PLEKHG1: variants seen among roughly 807,000 people sequenced by gnomAD.
PLEKHG1 encodes the protein pleckstrin homology domain-containing family G member 1.
PLEKHG1 carries 44 observed loss-of-function variants against 100.8 expected under a neutral mutation model. The ratio of observed to expected loss-of-function variants is 0.44; its 90% CI spans 0.34 to 0.56. The LOEUF (loss-of-function observed/expected upper bound fraction) is 0.56, where lower values mean the gene tolerates loss of function less well. PLEKHG1 is among the 20% of genes least tolerant of loss of function. The pLI is 0.01. For synonymous variants in PLEKHG1, 640 were observed against 662.5 expected (o/e 0.97, Z 0.52); for missense variants, 1,545 against 1,720.9 (o/e 0.90, Z 1.81).
chr6:150,715,992 C>T (rs1348343591), intron 3 of PLEKHG1, among the ~76,000 whole-genome samples: 2 of 148,830 alleles, frequency 1.3e-5, no homozygotes, highest in African/African-American at 4.9e-5. Context: ...CCTGTAGTCC[C>T]AGCTACTCGG....
intron 15 of PLEKHG1, among the ~76,000 whole-genome samples, chr6:150,839,455 A>T (rs1777399862): frequency 6.6e-6 from 1 of 152,126 alleles, no homozygotes; most frequent in African/African-American, 2.4e-5. Context: ...ATGATTTTTC[A>T]TTGACCAGGC....
intron 12 of PLEKHG1, 66 bp from the exon 14 acceptor site, chr6:150,821,129 A>C: frequency 1.6e-6 from 2 of 1,273,700 alleles, no homozygotes; most frequent in Non-Finnish European, 2.3e-6. Flanking sequence ...TAATCCTCTT[A>C]TAAAGAATAA....
chr6:150,760,747 G>A (rs966198374), intron 2 of PLEKHG1, among the ~76,000 whole-genome samples: 6 of 151,718 alleles, frequency 4.0e-5, no homozygotes, highest in African/African-American at 1.5e-4. Context: ...TATGCAACAG[G>A]ACTTCATCAT....
Position 150,832,874 on chromosome 6 carries a change from C to T in PLEKHG1, c.3094+669C>T, listed in dbSNP as rs372175203. 9.2e-4 allele frequency among the ~76,000 whole-genome samples: 140 copies of T among 151,606 alleles called. 5 individuals carry two copies. In the South Asian group the frequency reaches 0.028, roughly 30 times the overall value. On this transcript the variant is annotated intron_variant, in intron 15 of 15. Transcript: ENST00000358517. ...TACATTTTTTGTAGAGAAGGGGTTT[C>T]ACCATGTTGCCCAGGCTGGTCTCGA...
chr6:150,745,772 A>G (rs1386016121), intron 2 of PLEKHG1, among the ~76,000 whole-genome samples: 2 of 152,140 alleles, frequency 1.3e-5, no homozygotes. Flanking sequence ...ATATAGAAAA[A>G]AAGTCAAAAA....
At position 150,679,562 on chromosome 6, in the gene PLEKHG1, C is replaced by G. The variant is rs537969763; in HGVS notation, c.-99+28776C>G. Among the ~76,000 whole-genome samples the G allele has an allele frequency of 2.0e-5, 3 of 152,326 alleles. No homozygotes were observed. The South Asian group carries it at 6.2e-4, about 32-fold the overall frequency. On this transcript the variant is annotated intron_variant, in intron 3 of 3. Transcript: ENST00000367326. ...AGCAATAGCATACTTTAAAAAATTACAACAGCTGTGATAGAAATATCACCC... is the reference window on the plus strand; with the variant it reads ...AGCAATAGCATACTTTAAAAAATTAGAACAGCTGTGATAGAAATATCACCC...
chr6:150,810,283 G>A (rs1787414166), intron 10 of PLEKHG1, among the ~76,000 whole-genome samples: 1 of 148,986 alleles, frequency 6.7e-6, no homozygotes, highest in African/African-American at 2.5e-5. Context: ...CTGGGTGACA[G>A]GGTCCAGACA....
intron 1 of PLEKHG1, among the ~76,000 whole-genome samples, chr6:150,731,416 A>G (rs1341822730): frequency 1.3e-5 from 2 of 152,160 alleles, no homozygotes; most frequent in African/African-American, 4.8e-5. Flanking sequence ...CCTTCATTTT[A>G]TTTTCATAAC....
chr6:150,831,631 T>C lies in PLEKHG1; in HGVS notation c.2520T>C (p.Asn840=), dbSNP rs1378648907. The change falls in exon 15 of 16, where the codon AAT becomes AAC. Residue 840 remains asparagine (N), a synonymous_variant. Transcript: ENST00000358517. The surrounding 1 kb of genome is among the most constrained non-coding windows in gnomAD (Gnocchi z 4.1). ...CCGAAGAAGTAGATGAAATCTGGAA[T>C]GACCTGGAAAATTACATCAAGAAAA... is the stretch of plus-strand genomic sequence containing the variant. The C allele has an allele frequency of 1.2e-6, 2 of 1,613,840 alleles. No homozygotes were observed. Among genetic ancestry groups the C allele is most frequent in the African/African-American group, 1.3e-5 (1 of 74,938 alleles).
exon 16 of PLEKHG1, chr6:150,843,066 A>G (rs1704181697): frequency 6.6e-6 from 1 of 152,230 alleles, no homozygotes; most frequent in Non-Finnish European, 1.5e-5. Flanking sequence ...CCTATGAACA[A>G]AATTACCTGA....
At chr6:150,700,222 G>A (rs956881831) in intron 3 of PLEKHG1, among the ~76,000 whole-genome samples, 2 of 152,280 alleles carry the variant, frequency 1.3e-5, no homozygotes, top group East Asian at 1.9e-4. Context: ...ACAGAGCAGC[G>A]GTGTCTACCA....
chr6:150,602,360 C>T (rs1776391051), intron 1 of PLEKHG1, among the ~76,000 whole-genome samples: 1 of 152,196 alleles, frequency 6.6e-6, no homozygotes, highest in Non-Finnish European at 1.5e-5. Context: ...ATGACCTAGT[C>T]CAGCCCTACA....
chr6:150,749,667 G>C (rs949599865), intron 2 of PLEKHG1, among the ~76,000 whole-genome samples: 2 of 152,146 alleles, frequency 1.3e-5, no homozygotes, highest in African/African-American at 4.8e-5. Context: ...TGGCTCTGAA[G>C]TTTCAGGTCC....
chr6:150,602,938 G>C (rs979114266), intron 1 of PLEKHG1, among the ~76,000 whole-genome samples: 1 of 151,734 alleles, frequency 6.6e-6, no homozygotes, highest in South Asian at 2.1e-4. Flanking sequence ...AAAATTAGCC[G>C]GGCGAGGTGG....
intron 3 of PLEKHG1, among the ~76,000 whole-genome samples, chr6:150,779,794 G>A (rs1443069593): frequency 1.3e-5 from 2 of 151,700 alleles, no homozygotes; most frequent in East Asian, 2.0e-4. Context: ...GTGAAACCCT[G>A]TCTCTACTAA....
chr6:150,717,024 G>A (rs1442938932), upstream of PLEKHG1, among the ~76,000 whole-genome samples: 2 of 151,498 alleles, frequency 1.3e-5, no homozygotes, highest in Non-Finnish European at 2.9e-5. Context: ...GCTAAGTTTT[G>A]TATTCATTTA....
intron 3 of PLEKHG1, among the ~76,000 whole-genome samples, chr6:150,676,266 G>A (rs184250431): frequency 7.9e-5 from 12 of 152,288 alleles, no homozygotes; most frequent in East Asian, 7.7e-4. Flanking sequence ...TGAGCACAAC[G>A]TCAGATTCTA....
intron 4 of PLEKHG1, among the ~76,000 whole-genome samples, chr6:150,787,246 T>C (rs1000460457): frequency 6.6e-6 from 1 of 152,304 alleles, no homozygotes; most frequent in East Asian, 1.9e-4. Flanking sequence ...AAAAATGTAC[T>C]CTTCCACTGT....
chr6:150,608,787 C>T (rs6933168), intron 1 of PLEKHG1, among the ~76,000 whole-genome samples: 26,495 of 152,052 alleles, frequency 0.17, 2,764 homozygotes, highest in Middle Eastern at 0.25. Flanking sequence ...AGTTGAAATG[C>T]GGGAATAGTG....
Sources: gnomAD v4.1 joint callset for allele counts (sites outside exome capture counted in the v4.1 genomes callset) on GRCh38, gnomAD v4.1.1 for gene constraint, Gnocchi (gnomAD v3.1) non-coding constraint, MANE v1.5 for transcripts, NCBI Gene and HGNC (gene_info 2026-07-23, HGNC 2026-07-21) for gene names.